Variants in PRR29 observed in about 807,000 individuals in gnomAD.
The protein encoded by PRR29 is proline rich 29.
PRR29 carries 20 observed loss-of-function variants against 25.1 expected under a neutral mutation model. The ratio of observed to expected loss-of-function variants is 0.80; its 90% confidence interval spans 0.56 to 1.16. The LOEUF (loss-of-function observed/expected upper bound fraction) is 1.16. Among genes scored for constraint, PRR29 ranks in the 50% most tolerant of loss-of-function variants. The probability of loss-of-function intolerance (pLI) is 0.00; values close to 1 mark genes in which losing one functional copy is unlikely to be tolerated. For missense variants in PRR29, 238 were observed against 246.6 expected (o/e 0.97, Z 0.23); for synonymous variants, 108 against 102.6 (o/e 1.05, Z -0.32).
intron 4 of PRR29, 66 bp downstream of exon 4, chr17:64,001,376 G>C: frequency 6.7e-7 from 1 of 1,499,506 alleles, no homozygotes; most frequent in Non-Finnish European, 9.0e-7. Context: ...GCTGTGCAGG[G>C]GCTGGTGGTC....
Position 63,998,725 on chromosome 17 carries a change from C to T in PRR29, c.79C>T (p.Gln27Ter). 6.5e-7 allele frequency: 1 copy of T among 1,528,494 alleles called. No individual in the cohort carries two copies. The highest frequency in any genetic ancestry group is 8.7e-7 in the Non-Finnish European group (1 of 1,143,270). The allele number at this position is 1,528,494 out of a possible 1,614,324, so 94.7% of individuals were successfully genotyped here. Residue 27 changes from glutamine to a stop codon, truncating the protein, a stop_gained, in exon 2 of 6, where the codon CAG becomes TAG. Transcript: ENST00000412177. LOFTEE classifies it high-confidence loss of function. ...AVPTPWVTFL[Q>*]PLSWAVPPAP... The stretch of plus-strand genomic sequence containing the variant: ...CCCCCAGCCCTGGGTCACCTTCCTG[C>T]AGCCCCTCTCGTGGGCCGTCCCACC...
Position 64,003,377 on chromosome 17 carries a change from G to T in PRR29, c.*1616G>T. On this transcript the variant is annotated 3_prime_UTR_variant, in exon 6 of 6. Transcript: ENST00000412177. ...CAGGCCAAACTTCTCATTGTGGAGG[G>T]GAGCCAAGGCCAGGGAGAGCCGTCA... The T allele has an allele frequency of 1.9e-6, 1 of 513,374 alleles. No individual in the cohort carries two copies. The highest frequency in any genetic ancestry group is 3.5e-6 in the Non-Finnish European group (1 of 285,812). The allele number at this position is 513,374 out of a possible 1,614,324, so 31.8% of individuals were successfully genotyped here.
chr17:64,000,819 A>AT (rs55731979), intron 3 of PRR29: 7,021 of 305,892 alleles, frequency 0.023, 36 homozygotes, highest in African/African-American at 0.031. Context: ...TGCCCAGCTA[A>AT]TTTTTTTTTT....
Position 64,003,265 on chromosome 17 carries a change from C to G in PRR29, c.*1504C>G, listed in dbSNP as rs1910930910. ...CAGCCAAGCCCCTTCTTGGGCAGAG[C>G]TGAGTGAACTTCATGCCAGGCTCCC... On this transcript the variant is annotated 3_prime_UTR_variant, in exon 6 of 6. Transcript: ENST00000412177. 4.7e-6 allele frequency: 2 copies of G among 424,644 alleles called. No individual in the cohort carries two copies. Among genetic ancestry groups the G allele is most frequent in the Non-Finnish European group, 8.6e-6 (2 of 232,970 alleles). The allele number at this position is 424,644 out of a possible 1,614,324, so 26.3% of individuals were successfully genotyped here.
At chr17:63,998,927 C>G (rs1417412210) in intron 2 of PRR29, 41 bp from the exon 3 acceptor site, 1 of 1,521,584 alleles carries the variant, frequency 6.6e-7, no homozygotes, top group African/African-American at 1.4e-5. Context: ...GGGAGGGGGA[C>G]TCGGAGGCCC....
Position 64,002,945 on chromosome 17 carries a change from G to C in PRR29, c.*1184G>C, listed in dbSNP as rs1314768494. ...CAGGCTCTGGGGAGGGAGGGGGCAA[G>C]GGTCTTAGACGTCCTGTGATCCCAG... On this transcript the variant is annotated 3_prime_UTR_variant, in exon 6 of 6. Coordinates refer to ENST00000412177, the MANE Select transcript of PRR29 (RefSeq NM_001164257.2). The C allele has an allele frequency of 6.2e-7, 1 of 1,610,324 alleles. No individual in the cohort carries two copies. Among genetic ancestry groups the C allele is most frequent in the Admixed American group, 1.7e-5 (1 of 59,820 alleles).
chr17:63,998,616 A>T, intron 1 of PRR29, 91 bp from the exon 2 acceptor site: 1 of 1,016,620 alleles, frequency 9.8e-7, no homozygotes, highest in Non-Finnish European at 1.4e-6. Context: ...CTGCGGGGTT[A>T]GGGAGGCCAC....
chr17:64,001,092 G>A lies in PRR29; in HGVS notation c.252G>A (p.Leu84=). 6.5e-7 allele frequency: 1 copy of A among 1,537,382 alleles called. No homozygotes were observed. The highest frequency in any genetic ancestry group is 8.7e-7 in the Non-Finnish European group (1 of 1,146,916). The change falls in exon 4 of 6, where the codon CTG becomes CTA. Residue 84 remains leucine (L), a synonymous_variant. Transcript: ENST00000412177. The stretch of plus-strand genomic sequence containing the variant: ...TTTTGCACAATCCCCAGGTCTACCT[G>A]GAGGTTCCACAGGAAGAGCCTGAGG... ...RPASPCPQVY[L]EVPQEEPEEE...
rs1229574315 is a variant in PRR29 at position 64,002,472 on chromosome 17, T to C, written c.*711T>C. On this transcript the variant is annotated 3_prime_UTR_variant, in exon 6 of 6. Coordinates refer to ENST00000412177, the MANE Select transcript of PRR29 (RefSeq NM_001164257.2). The stretch of plus-strand genomic sequence containing the variant: ...TCGGGCCAGATGGGGGCCTGTTGCA[T>C]GGGCTGGGAGGCCCCTGTGAAGGAG... The C allele has an allele frequency of 1.6e-5, 8 of 492,150 alleles. No homozygotes were observed. Among genetic ancestry groups the C allele is most frequent in the Non-Finnish European group, 3.0e-5 (8 of 270,768 alleles). The allele number at this position is 492,150 out of a possible 1,614,324, so 30.5% of individuals were successfully genotyped here. A position where few individuals can be genotyped will look rare whatever the true frequency, so the allele number is the denominator to read the frequency against.
intron 3 of PRR29, chr17:64,000,745 C>T (rs1014587422): frequency 6.0e-5 from 17 of 285,652 alleles, no homozygotes; most frequent in Middle Eastern, 1.1e-3. Context: ...CTCCGCCTCC[C>T]GGGTTCACGC....
chr17:64,001,158 G>A lies in PRR29; in HGVS notation c.318G>A (p.Leu106=). The A allele has an allele frequency of 6.5e-7, 1 of 1,537,464 alleles. No homozygotes were observed. The highest frequency in any genetic ancestry group is 8.7e-7 in the Non-Finnish European group (1 of 1,146,962). The change falls in exon 4 of 6, where the codon TTG becomes TTA. Residue 106 remains leucine, a synonymous_variant. Transcript: ENST00000412177. ...EEMDVREKGP[L]VFHHHYLPYL... ...TGGACGTGCGGGAGAAAGGGCCTTT[G>A]GTGTTTCACCACCACTACTTGCCCT...
chr17:63,998,378 C>G lies in PRR29; in HGVS notation c.14C>G (p.Ala5Gly). 2.6e-6 allele frequency: 4 copies of G among 1,525,274 alleles called. No individual in the cohort carries two copies. The highest frequency in any genetic ancestry group is 2.6e-6 in the Non-Finnish European group (3 of 1,141,624). 94.5% of individuals were successfully genotyped at this position (1,525,274 alleles called of 1,614,324 possible). The change falls in exon 1 of 6, where the codon GCG becomes GGG. Residue 5 changes from alanine (A) to glycine (G), a missense_variant. Coordinates refer to ENST00000412177, the MANE Select transcript of PRR29 (RefSeq NM_001164257.2). ...CCGGCGCCAGCCATGGCCTCTGGGG[C>G]GGGCGGAAGCTGGGGTCGCTCCCCA... MASG[A>G]GGSWGRSPPQ... is the part of the protein sequence containing the mutation.
At chr17:64,001,366 G>T in intron 4 of PRR29, 56 bp downstream of exon 4, 1 of 1,505,382 alleles carries the variant, frequency 6.6e-7, no homozygotes, top group Non-Finnish European at 8.9e-7. Context: ...TTGCAGAAGA[G>T]CTGTGCAGGG....
Position 64,002,683 on chromosome 17 carries a change from A to G in PRR29, c.*922A>G. 1 of 1,479,106 alleles carries G rather than the reference A, an allele frequency of 6.8e-7. No homozygotes were observed. Among genetic ancestry groups the G allele is most frequent in the South Asian group, 1.2e-5 (1 of 83,068 alleles). 91.6% of individuals were successfully genotyped at this position (1,479,106 alleles called of 1,614,324 possible). Reference sequence around the variant, plus strand: ...AGTCCTTCAGCCAGGGCTGGACCTCAACCCTGAGGAGTCACACTGAGTTCC... The same window carrying G: ...AGTCCTTCAGCCAGGGCTGGACCTCGACCCTGAGGAGTCACACTGAGTTCC... On this transcript the variant is annotated 3_prime_UTR_variant, in exon 6 of 6. Transcript: ENST00000412177.
chr17:64,002,999 C>T lies in PRR29; in HGVS notation c.*1238C>T, dbSNP rs1217314279. On this transcript the variant is annotated 3_prime_UTR_variant, in exon 6 of 6. Coordinates refer to ENST00000412177, the MANE Select transcript of PRR29 (RefSeq NM_001164257.2). ...CCAGGGACCAAAAGGGAGTGGAAGT[C>T]CACCCCCAACCCAGACCCCCAGACC... is the stretch of plus-strand genomic sequence containing the variant. The T allele has an allele frequency of 1.4e-6, 2 of 1,433,268 alleles. No individual in the cohort carries two copies. The highest frequency in any genetic ancestry group is 9.6e-7 in the Non-Finnish European group (1 of 1,046,092). 88.8% of individuals were successfully genotyped at this position (1,433,268 alleles called of 1,614,324 possible). A position where few individuals can be genotyped will look rare whatever the true frequency, so the allele number is the denominator to read the frequency against.
rs1910989012 is a variant in PRR29 at position 64,003,757 on chromosome 17, G to A, written c.*1996G>A. ...GTTGCGGTGGCCATCCTCTCTGTCA[G>A]CCGTGCTGTTGAATGTGGCTGTGGC... On this transcript the variant is annotated 3_prime_UTR_variant, in exon 6 of 6. Coordinates refer to ENST00000412177, the MANE Select transcript of PRR29 (RefSeq NM_001164257.2). 6.2e-7 allele frequency: 1 copy of A among 1,614,228 alleles called. No homozygotes were observed. The highest frequency in any genetic ancestry group is 8.5e-7 in the Non-Finnish European group (1 of 1,180,042).
Position 64,003,664 on chromosome 17 carries a change from G to T in PRR29, c.*1903G>T, listed in dbSNP as rs538353983. 18 of 1,613,828 alleles carry T rather than the reference G, an allele frequency of 1.1e-5. No individual in the cohort carries two copies. The South Asian group carries it at 1.5e-4, about 14-fold the overall frequency. On this transcript the variant is annotated 3_prime_UTR_variant, in exon 6 of 6. Coordinates refer to ENST00000412177, the MANE Select transcript of PRR29 (RefSeq NM_001164257.2). Reference sequence around the variant, plus strand: ...CTCACCATAGATCTCCAACATCTTCGGGGCTGAGTGTTTGTGAAAGATGTT... The same window carrying T: ...CTCACCATAGATCTCCAACATCTTCTGGGCTGAGTGTTTGTGAAAGATGTT...
intron 4 of PRR29, 47 bp from the exon 5 acceptor site, chr17:64,001,420 C>T: frequency 2.7e-6 from 4 of 1,492,518 alleles, no homozygotes; most frequent in South Asian, 2.5e-5. Context: ...ACTCCAGAGG[C>T]CACCCCTGGG....
In PRR29 at chr17:63,998,797, T is replaced by TTCCCC; in HGVS notation, c.136+15_136+16insTCCCC. On this transcript the variant is annotated intron_variant, in intron 2 of 5. Transcript: ENST00000412177. ...CGTGAAGGAAGGTGAGACTCCCGGG[T>TTCCCC]CCCCCCACCCCACCCCCACCATCAC... 1 of 1,062,606 alleles carries TTCCCC rather than the reference T, an allele frequency of 9.4e-7. No homozygotes were observed. Among genetic ancestry groups the TTCCCC allele is most frequent in the Non-Finnish European group, 1.3e-6 (1 of 761,704 alleles). The allele number at this position is 1,062,606 out of a possible 1,614,324, so 65.8% of individuals were successfully genotyped here.
Sources: gnomAD v4.1 joint callset for allele counts on GRCh38, gnomAD v4.1.1 for gene constraint, MANE v1.5 for transcripts, NCBI Gene and HGNC (gene_info 2026-07-23, HGNC 2026-07-21) for gene names.